Variants in ACO1 observed in about 807,000 individuals in gnomAD.
ACO1 encodes aconitase 1, also known as cytoplasmic aconitate hydratase.
Under a neutral mutation model 105.1 loss-of-function variants are expected in ACO1, and 78 were observed. That is an observed-to-expected ratio of 0.74 (90% CI 0.62 to 0.90). ACO1 has a LOEUF of 0.90. Among genes scored for constraint, ACO1 ranks in the 40% least tolerant of loss-of-function variants. The probability of loss-of-function intolerance (pLI) is 0.00; values close to 1 mark genes in which losing one functional copy is unlikely to be tolerated. For missense variants in ACO1, 965 were observed against 1,111.1 expected, an observed-to-expected ratio of 0.87 and a Z score of 1.87; for synonymous variants, 364 against 397.4, an observed-to-expected ratio of 0.92 and a Z score of 1.00.
intron 4 of ACO1, among the ~76,000 whole-genome samples, chr9:32,412,367 C>T (rs1337488943): frequency 1.3e-5 from 2 of 152,172 alleles, no homozygotes; most frequent in African/African-American, 4.8e-5. Context: ...GGGATTGCAA[C>T]TGTCTTCATT....
intron 11 of ACO1, among the ~76,000 whole-genome samples, chr9:32,426,241 G>T (rs1210224967): frequency 6.6e-6 from 1 of 152,232 alleles, no homozygotes; most frequent in Non-Finnish European, 1.5e-5. Context: ...ATAAGTAGAG[G>T]AAAGCAAAGG....
At chr9:32,437,675 C>T (rs978001192) in intron 18 of ACO1, among the ~76,000 whole-genome samples, 1 of 151,998 alleles carries the variant, frequency 6.6e-6, no homozygotes, top group Non-Finnish European at 1.5e-5. Context: ...GATGAACAGA[C>T]ATTTGAGTCA....
chr9:32,447,109 G>T (rs527874276), intron 19 of ACO1, among the ~76,000 whole-genome samples: 20 of 152,160 alleles, frequency 1.3e-4, no homozygotes, highest in Non-Finnish European at 2.2e-4. Flanking sequence ...TTGAATGTTG[G>T]CCTGCCTTGC....
intron 1 of ACO1, among the ~76,000 whole-genome samples, chr9:32,395,440 C>T (rs931567744): frequency 1.3e-5 from 2 of 152,124 alleles, no homozygotes; most frequent in East Asian, 3.9e-4. Context: ...TACGCCACTG[C>T]ATTCCAGCCT....
chr9:32,419,574 C>T (rs1237243718), intron 7 of ACO1, among the ~76,000 whole-genome samples: 1 of 152,224 alleles, frequency 6.6e-6, no homozygotes, highest in Admixed American at 6.5e-5. Context: ...TTCCCCATTT[C>T]TAGAAATAAT....
chr9:32,428,810 C>T (rs1822159588), intron 12 of ACO1, among the ~76,000 whole-genome samples: 1 of 151,926 alleles, frequency 6.6e-6, no homozygotes, highest in Non-Finnish European at 1.5e-5. Context: ...CGCCACTGCA[C>T]TCCAGCCTGG....
At chr9:32,411,096 G>C (rs991644016) in intron 4 of ACO1, among the ~76,000 whole-genome samples, 1 of 152,076 alleles carries the variant, frequency 6.6e-6, no homozygotes, top group East Asian at 1.9e-4. Context: ...TCTGTTCACG[G>C]TGCCATTGAT....
At chr9:32,437,692 G>A (rs1171057830) in intron 18 of ACO1, among the ~76,000 whole-genome samples, 1 of 152,134 alleles carries the variant, frequency 6.6e-6, no homozygotes, top group Non-Finnish European at 1.5e-5. Context: ...GTCAAGACTT[G>A]AACAGGGTGA....
At chr9:32,434,734 CA>C (rs760846768) in intron 17 of ACO1, 33 bp downstream of exon 17, 2 of 1,604,856 alleles carry the variant, frequency 1.2e-6, no homozygotes, top group Non-Finnish European at 1.7e-6. Flanking sequence ...GGACTAAAGG[CA>C]AAAATGGAGG....
intron 1 of ACO1, among the ~76,000 whole-genome samples, chr9:32,395,445 C>A (rs942906923): frequency 5.3e-5 from 8 of 151,672 alleles, no homozygotes; most frequent in Non-Finnish European, 1.2e-4. Flanking sequence ...CACTGCATTC[C>A]AGCCTGGGTG....
chr9:32,450,193 T>TGCCTCTGGGAG lies in ACO1; in HGVS notation c.*84_*94dup. 1 of 1,100,602 alleles carries TGCCTCTGGGAG rather than the reference T, an allele frequency of 9.1e-7. No homozygotes were observed. Among genetic ancestry groups the TGCCTCTGGGAG allele is most frequent in the East Asian group, 2.4e-5 (1 of 42,442 alleles). 68.2% of individuals were successfully genotyped at this position (1,100,602 alleles called of 1,614,324 possible). ...GCCCTGGTGGAGAGGCCTCCCTGGC[T>TGCCTCTGGGAG]GCCTCTGGGAGGGGTGCTGCCTTGT... On this transcript the variant is annotated 3_prime_UTR_variant, in exon 21 of 21. Coordinates refer to ENST00000309951, the MANE Select transcript of ACO1 (RefSeq NM_002197.3).
chr9:32,431,013 T>TA (rs1822222561), intron 14 of ACO1, among the ~76,000 whole-genome samples: 1 of 152,226 alleles, frequency 6.6e-6, no homozygotes, highest in African/African-American at 2.4e-5. Flanking sequence ...GAATAGATAA[T>TA]ATGAAAACAA....
intron 18 of ACO1, among the ~76,000 whole-genome samples, chr9:32,438,007 TTC>T (rs1391029669): frequency 1.3e-5 from 2 of 152,100 alleles, no homozygotes; most frequent in African/African-American, 4.8e-5. Context: ...CAAGCAAAAT[TTC>T]TCTGAGAATC....
intron 19 of ACO1, among the ~76,000 whole-genome samples, chr9:32,447,892 C>A (rs751076217): frequency 6.6e-6 from 1 of 152,160 alleles, no homozygotes; most frequent in Non-Finnish European, 1.5e-5. Context: ...GTATCACCAG[C>A]GGAAGCTGCA....
chr9:32,421,535 C>T (rs1821975679), intron 8 of ACO1, among the ~76,000 whole-genome samples: 2 of 152,114 alleles, frequency 1.3e-5, no homozygotes, highest in Non-Finnish European at 2.9e-5. Context: ...CTGCAACACC[C>T]CTCTCAGGGA....
chr9:32,426,306 A>T (rs942846157), intron 11 of ACO1, among the ~76,000 whole-genome samples: 3 of 152,218 alleles, frequency 2.0e-5, no homozygotes, highest in Non-Finnish European at 4.4e-5. Context: ...GAAGAAAAAT[A>T]AAGTGTTACC....
At chr9:32,427,005 G>T (rs1822114376) in intron 11 of ACO1, among the ~76,000 whole-genome samples, 1 of 151,884 alleles carries the variant, frequency 6.6e-6, no homozygotes, top group African/African-American at 2.4e-5. Flanking sequence ...AACTCATTTT[G>T]TAATATATTC....
At chr9:32,408,468 A>G in intron 3 of ACO1, 46 bp from the exon 4 acceptor site, 8 of 1,604,358 alleles carry the variant, frequency 5.0e-6, no homozygotes, top group Non-Finnish European at 6.8e-6. Context: ...ATCCAGTTAC[A>G]CACATTTAAG....
rs561395195 is a variant in ACO1, at chr9:32,451,054, T to G, written c.*943T>G. 6.7e-6 allele frequency: 1 copy of G among 149,658 alleles called. No individual in the cohort carries two copies. Among genetic ancestry groups the G allele is most frequent in the African/African-American group, 2.5e-5 (1 of 39,736 alleles). The allele number at this position is 149,658 out of a possible 1,614,324, so 9.3% of individuals were successfully genotyped here. Reference sequence around the variant, plus strand: ...CAGACAAGAAGGAAGAGTAGCCTGGTGGCAGTGGCAACGATATAAGTACAT... The same window carrying G: ...CAGACAAGAAGGAAGAGTAGCCTGGGGGCAGTGGCAACGATATAAGTACAT... On this transcript the variant is annotated 3_prime_UTR_variant, in exon 21 of 21. Coordinates refer to ENST00000309951, the MANE Select transcript of ACO1 (RefSeq NM_002197.3).
Sources: gnomAD v4.1 joint callset for allele counts (sites outside exome capture counted in the v4.1 genomes callset) on GRCh38, gnomAD v4.1.1 for gene constraint, MANE v1.5 for transcripts, NCBI Gene and HGNC (gene_info 2026-07-23, HGNC 2026-07-21) for gene names.